METTL25: variants seen among roughly 807,000 people sequenced by gnomAD.
METTL25 encodes the protein probable methyltransferase-like protein 25.
Under a neutral mutation model 71.6 loss-of-function variants are expected in METTL25, and 64 were observed. The observed-to-expected ratio is 0.89, with a 90% CI of 0.73 to 1.10. METTL25 has a LOEUF of 1.10. Among genes scored for constraint, METTL25 ranks in the 50% least tolerant of loss-of-function variants. METTL25 has a pLI of 0.00. For synonymous variants in METTL25, 287 were observed against 250.3 expected, an observed-to-expected ratio of 1.15 and a Z score of -1.38; for missense variants, 807 against 707.0, an observed-to-expected ratio of 1.14 and a Z score of -1.60.
chr12:82,406,768 G>C (rs1387308472), intron 5 of METTL25, among the ~76,000 whole-genome samples: 3 of 152,130 alleles, frequency 2.0e-5, no homozygotes, highest in South Asian at 4.1e-4. Flanking sequence ...TCTTACAGCA[G>C]AGTAGCATGT....
chr12:82,440,910 C>T (rs1890271765), intron 8 of METTL25, among the ~76,000 whole-genome samples: 1 of 151,958 alleles, frequency 6.6e-6, no homozygotes, highest in South Asian at 2.1e-4. Flanking sequence ...CAGAAGTAAA[C>T]CCAGCTTTTA....
chr12:82,369,663 G>A (rs1225951134), intron 1 of METTL25: 1 of 245,118 alleles, frequency 4.1e-6, no homozygotes, highest in Non-Finnish European at 8.2e-6. Flanking sequence ...GTGTGGAAGG[G>A]GACCTGAGCG....
chr12:82,368,759 A>T (rs1250969105), intron 1 of METTL25, among the ~76,000 whole-genome samples: 2 of 152,188 alleles, frequency 1.3e-5, no homozygotes, highest in Non-Finnish European at 2.9e-5. Context: ...TGCTATTAAC[A>T]CCATGGTCAT....
At chr12:82,398,359 G>A (rs112765980) in intron 3 of METTL25, among the ~76,000 whole-genome samples, 52 of 151,612 alleles carry the variant, frequency 3.4e-4, no homozygotes, top group African/African-American at 1.3e-3. Flanking sequence ...GGGACTATAG[G>A]TTTGAGCCAC....
At chr12:82,467,729 G>A (rs1892325273) in intron 9 of METTL25, among the ~76,000 whole-genome samples, 1 of 152,012 alleles carries the variant, frequency 6.6e-6, no homozygotes, top group South Asian at 2.1e-4. Flanking sequence ...ATTTGTTCTT[G>A]ACTTACAGTA....
In METTL25 at chr12:82,462,066, G is replaced by A. The variant is rs79395991; in HGVS notation, c.1572+5246G>A. Among the ~76,000 whole-genome samples the A allele has an allele frequency of 4.6e-5, 7 of 152,298 alleles. No homozygotes were observed. The East Asian group carries it at 7.7e-4, about 17-fold the overall frequency. ...TTTTCTATAGACTAGGAGTTGAGCA[G>A]TATGGAGCAATGGCATTCATAACCA... On this transcript the variant is annotated intron_variant, in intron 9 of 11. Transcript: ENST00000248306.
rs183242625 is a variant in METTL25 at position 82,399,601 on chromosome 12, A to G, written c.1131+207A>G. Reference sequence around the variant, plus strand: ...AATAGAGTATCCTCTACTCATTTCAAGCCTCTTAAATCAAATTGAAGTCCT... The same window carrying G: ...AATAGAGTATCCTCTACTCATTTCAGGCCTCTTAAATCAAATTGAAGTCCT... On this transcript the variant is annotated intron_variant, in intron 4 of 11. Coordinates refer to ENST00000248306, the MANE Select transcript of METTL25 (RefSeq NM_032230.3). Among the ~76,000 whole-genome samples, 321 of 152,278 alleles carry G rather than the reference A, an allele frequency of 2.1e-3. 1 individual carries two copies. Among genetic ancestry groups the G allele is most frequent in the African/African-American group, 7.1e-3 (295 of 41,566 alleles).
chr12:82,407,519 G>A (rs1354546580), intron 5 of METTL25, among the ~76,000 whole-genome samples: 1 of 152,142 alleles, frequency 6.6e-6, no homozygotes, highest in Non-Finnish European at 1.5e-5. Context: ...GATATGATCA[G>A]GCAAACAATG....
At position 82,398,092 on chromosome 12, in the gene METTL25, A is replaced by G. The variant is rs186728620; in HGVS notation, c.532-703A>G. Among the ~76,000 whole-genome samples the G allele has an allele frequency of 1.4e-3, 214 of 152,118 alleles. 4 individuals are homozygous for G. The highest frequency in any genetic ancestry group is 1.9e-4 in the Non-Finnish European group (13 of 67,968). On this transcript the variant is annotated intron_variant, in intron 3 of 11. Coordinates refer to ENST00000248306, the MANE Select transcript of METTL25 (RefSeq NM_032230.3). ...TAGTATTGAGTCCACCATTTCATGA[A>G]CATAGTATATCTCTTTATATCAATT...
intron 1 of METTL25, among the ~76,000 whole-genome samples, chr12:82,364,568 A>G (rs1259466716): frequency 6.6e-6 from 1 of 152,254 alleles, no homozygotes; most frequent in Non-Finnish European, 1.5e-5. Context: ...ATGAGCTGAC[A>G]TCTGTCTGTT....
chr12:82,462,014 T>C (rs1166631007), intron 9 of METTL25, among the ~76,000 whole-genome samples: 1 of 152,242 alleles, frequency 6.6e-6, no homozygotes, highest in Non-Finnish European at 1.5e-5. Context: ...AGGGCCTTAC[T>C]GCACAGCTTA....
intron 7 of METTL25, among the ~76,000 whole-genome samples, chr12:82,435,699 A>G (rs920190777): frequency 6.6e-6 from 1 of 151,434 alleles, no homozygotes; most frequent in African/African-American, 2.4e-5. Flanking sequence ...GTGGAGTGAT[A>G]ATAATACCTT....
At chr12:82,361,595 A>AG in intron 1 of METTL25, among the ~76,000 whole-genome samples, 1 of 152,278 alleles carries the variant, frequency 6.6e-6, no homozygotes, top group African/African-American at 2.4e-5. Context: ...GTGAGAATTC[A>AG]AGAGCAGCGC....
At chr12:82,473,515 C>T (rs1048275379) in intron 9 of METTL25, among the ~76,000 whole-genome samples, 8 of 152,092 alleles carry the variant, frequency 5.3e-5, no homozygotes, top group African/African-American at 1.9e-4. Flanking sequence ...GTGTCATAGG[C>T]CCACAGCTGC....
At chr12:82,403,845 A>ATCCCT (rs1351669967) in intron 5 of METTL25, among the ~76,000 whole-genome samples, 2 of 152,170 alleles carry the variant, frequency 1.3e-5, no homozygotes, top group Admixed American at 6.5e-5. Flanking sequence ...TATTTAGTAT[A>ATCCCT]CTAATAATAG....
At chr12:82,475,357 A>G (rs1892825062) in intron 9 of METTL25, among the ~76,000 whole-genome samples, 1 of 152,132 alleles carries the variant, frequency 6.6e-6, no homozygotes, top group Non-Finnish European at 1.5e-5. Context: ...CAAACTTTTA[A>G]AAAGGATGGG....
intron 8 of METTL25, among the ~76,000 whole-genome samples, chr12:82,455,384 AC>A (rs1891419559): frequency 6.6e-6 from 1 of 151,902 alleles, no homozygotes; most frequent in Non-Finnish European, 1.5e-5. Flanking sequence ...ACAGAAACCT[AC>A]AAAAATATAT....
At chr12:82,393,121 T>G (rs1284336611) in intron 3 of METTL25, among the ~76,000 whole-genome samples, 1 of 152,116 alleles carries the variant, frequency 6.6e-6, no homozygotes, top group Non-Finnish European at 1.5e-5. Flanking sequence ...CTGTCTTTTG[T>G]GATTCCACAT....
At chr12:82,428,569 C>T (rs1222301463) in intron 5 of METTL25, among the ~76,000 whole-genome samples, 1 of 151,806 alleles carries the variant, frequency 6.6e-6, no homozygotes, top group African/African-American at 2.4e-5. Context: ...AAGAAGTAGC[C>T]CAGAGTCCCT....
Sources: allele counts gnomAD v4.1 joint callset (sites outside exome capture counted in the v4.1 genomes callset), GRCh38; gene constraint gnomAD v4.1.1; transcripts MANE v1.5; gene names NCBI Gene and HGNC (gene_info 2026-07-23, HGNC 2026-07-21).